Variants in TMEM117 observed in about 807,000 individuals in gnomAD.
TMEM117 encodes transmembrane protein 117.
TMEM117 carries 27 observed loss-of-function variants against 52.4 expected under a neutral mutation model. The ratio of observed to expected loss-of-function variants is 0.51; its 90% CI spans 0.38 to 0.71. TMEM117 has a LOEUF of 0.71. Ranked by LOEUF, TMEM117 falls within the 30% of genes least tolerant of loss-of-function variation. The probability of loss-of-function intolerance (pLI) is 0.00; values close to 1 mark genes in which losing one functional copy is unlikely to be tolerated. For missense variants in TMEM117, 556 were observed against 630.5 expected (o/e 0.88, Z 1.26); for synonymous variants, 215 against 206.3 (o/e 1.04, Z -0.36).
At chr12:44,332,093 T>C (rs1015559577) in intron 6 of TMEM117, among the ~76,000 whole-genome samples, 1 of 152,092 alleles carries the variant, frequency 6.6e-6, no homozygotes, top group Non-Finnish European at 1.5e-5. Context: ...TTCTGTTACA[T>C]GTATGTAAAC....
the TMEM117 span, among the ~76,000 whole-genome samples, chr12:43,813,231 G>GTTGTTTTTTTGTT: frequency 3.2e-5 from 2 of 62,618 alleles, no homozygotes; most frequent in African/African-American, 1.2e-4. Flanking sequence ...GTTTTCTCTT[G>GTTGTTTTTTTGTT]TTTTTTTTTT....
chr12:44,254,479 T>C (rs1950234136), intron 5 of TMEM117, among the ~76,000 whole-genome samples: 1 of 151,946 alleles, frequency 6.6e-6, no homozygotes, highest in South Asian at 2.1e-4. Context: ...TTTTAAAAAG[T>C]TTTTACTAGA....
At chr12:44,080,015 CA>C (rs747963448) in intron 3 of TMEM117, among the ~76,000 whole-genome samples, 9,674 of 57,938 alleles carry the variant, frequency 0.17, 732 homozygotes, top group African/African-American at 0.33. Flanking sequence ...AACTCCATCT[CA>C]AAAAAAAAAA....
the TMEM117 span, among the ~76,000 whole-genome samples, chr12:43,798,223 A>T: frequency 1.3e-5 from 2 of 152,146 alleles, no homozygotes; most frequent in Admixed American, 6.6e-5. Context: ...TTGGACAGAA[A>T]ATGCAACACA....
At chr12:44,083,506 A>G (rs1947518439) in intron 3 of TMEM117, 1 of 147,754 alleles carries the variant, frequency 6.8e-6, no homozygotes, top group African/African-American at 2.5e-5. Context: ...GGCTCAAGGT[A>G]TCACTCCTGT....
the TMEM117 span, among the ~76,000 whole-genome samples, chr12:43,812,011 T>A: frequency 2.0e-5 from 3 of 152,228 alleles, no homozygotes; most frequent in East Asian, 5.8e-4. Flanking sequence ...TCTTCTGAAT[T>A]TCAGCATTTT....
At chr12:43,966,334 A>G (rs1331299394) in intron 3 of TMEM117, among the ~76,000 whole-genome samples, 1 of 152,242 alleles carries the variant, frequency 6.6e-6, no homozygotes, top group African/African-American at 2.4e-5. Flanking sequence ...TATAACATAA[A>G]TAAATTAAAA....
intron 5 of TMEM117, among the ~76,000 whole-genome samples, chr12:44,255,469 A>G (rs181714939): frequency 2.0e-5 from 3 of 152,294 alleles, no homozygotes; most frequent in Admixed American, 1.3e-4. Context: ...TAACACTGAC[A>G]TATATGACAT....
intron 3 of TMEM117, among the ~76,000 whole-genome samples, chr12:43,993,469 C>T (rs1945977018): frequency 6.6e-6 from 1 of 152,052 alleles, no homozygotes; most frequent in African/African-American, 2.4e-5. Context: ...TAAGCATTTC[C>T]TAAGCCTAAT....
the TMEM117 span, chr12:43,802,215 A>G: frequency 9.5e-7 from 1 of 1,054,178 alleles, no homozygotes; most frequent in Non-Finnish European, 1.3e-6. Context: ...TTTAACCTTT[A>G]TTTGACCTAG....
At chr12:44,003,787 G>T (rs75175399) in intron 3 of TMEM117, among the ~76,000 whole-genome samples, 8 of 152,104 alleles carry the variant, frequency 5.3e-5, no homozygotes, top group Non-Finnish European at 1.2e-4. Context: ...ATCTCATTTT[G>T]CCATTTCTTT....
chr12:44,106,770 T>C (rs1259414147), intron 3 of TMEM117, among the ~76,000 whole-genome samples: 12 of 151,958 alleles, frequency 7.9e-5, no homozygotes, highest in Non-Finnish European at 1.6e-4. Flanking sequence ...GTTACAGATA[T>C]TGAGTATTTC....
chr12:44,370,144 A>T (rs1441312179), intron 6 of TMEM117, among the ~76,000 whole-genome samples: 2 of 152,186 alleles, frequency 1.3e-5, no homozygotes, highest in African/African-American at 4.8e-5. Context: ...GACATGTCTC[A>T]TGAACTTCTT....
intron 6 of TMEM117, among the ~76,000 whole-genome samples, chr12:44,311,244 G>A (rs1480682096): frequency 1.3e-5 from 2 of 151,858 alleles, no homozygotes; most frequent in Non-Finnish European, 1.5e-5. Context: ...AGAGATTACC[G>A]TTTGTTCAAC....
intron 4 of TMEM117, among the ~76,000 whole-genome samples, chr12:44,199,435 C>G (rs1196061465): frequency 6.6e-6 from 1 of 152,134 alleles, no homozygotes; most frequent in African/African-American, 2.4e-5. Flanking sequence ...CTTATAATTT[C>G]ACCTAAAATA....
rs147130027 is a variant in TMEM117, at chr12:44,378,816, C to T, written c.898+2092C>T. Among the ~76,000 whole-genome samples, 82 of 152,178 alleles carry T rather than the reference C, an allele frequency of 5.4e-4. 2 individuals are homozygous for T. In the East Asian group the frequency reaches 0.011, roughly 20 times the overall value. The stretch of plus-strand genomic sequence containing the variant: ...TAGGTCTGGGTGAGGGCCAGAGAAT[C>T]GAACTTTGGGAAAGCTCCCCCAAGT... On this transcript the variant is annotated intron_variant, in intron 7 of 7. Coordinates refer to ENST00000266534, the MANE Select transcript of TMEM117 (RefSeq NM_032256.3).
At chr12:43,993,407 C>A (rs1484173145) in intron 3 of TMEM117, among the ~76,000 whole-genome samples, 1 of 152,160 alleles carries the variant, frequency 6.6e-6, no homozygotes, top group African/African-American at 2.4e-5. Context: ...CTATATGCCT[C>A]AGCTCAATTC....
chr12:44,368,516 A>AT (rs1326110536), intron 6 of TMEM117, among the ~76,000 whole-genome samples: 1 of 152,080 alleles, frequency 6.6e-6, no homozygotes, highest in Non-Finnish European at 1.5e-5. Flanking sequence ...CATCATCATT[A>AT]TTTTTTCATG....
intron 2 of TMEM117, among the ~76,000 whole-genome samples, chr12:43,917,874 T>C (rs1322194596): frequency 1.3e-5 from 2 of 152,104 alleles, no homozygotes; most frequent in African/African-American, 4.8e-5. Flanking sequence ...TGGGTTATAC[T>C]TTTTTAGACA....
Sources: allele counts gnomAD v4.1 joint callset (sites outside exome capture counted in the v4.1 genomes callset), GRCh38; gene constraint gnomAD v4.1.1; transcripts MANE v1.5; gene names NCBI Gene and HGNC (gene_info 2026-07-23, HGNC 2026-07-21).